The following RNF111 variants were observed in gnomAD, a reference collection of about 807,000 sequenced individuals.
RNF111 encodes the protein E3 ubiquitin-protein ligase Arkadia.
Under a neutral mutation model 95.1 loss-of-function variants are expected in RNF111, and 17 were observed. That is an observed-to-expected ratio of 0.18 (90% CI 0.12 to 0.27). The LOEUF (loss-of-function observed/expected upper bound fraction) is 0.27, where lower values mean the gene tolerates loss of function less well. Ranked by LOEUF, RNF111 falls within the 10% of genes least tolerant of loss-of-function variation. The pLI is 1.00. For synonymous variants in RNF111, 440 were observed against 414.8 expected, an observed-to-expected ratio of 1.06 and a Z score of -0.74; for missense variants, 1,189 against 1,210.4, an observed-to-expected ratio of 0.98 and a Z score of 0.26.
intron 1 of RNF111, among the ~76,000 whole-genome samples, chr15:58,994,278 A>G (rs1240390392): frequency 6.6e-6 from 1 of 151,318 alleles, no homozygotes; most frequent in African/African-American, 2.4e-5. Context: ...ACCTCAAGTA[A>G]TCCTCCCGCC....
At chr15:59,091,640 C>G (rs1385749980) in intron 12 of RNF111, among the ~76,000 whole-genome samples, 3 of 152,146 alleles carry the variant, frequency 2.0e-5, no homozygotes, top group African/African-American at 7.2e-5. Context: ...ACTCTACCCT[C>G]AGTTGCTTGT....
intron 1 of RNF111, among the ~76,000 whole-genome samples, chr15:59,018,316 A>T (rs1317411893): frequency 6.6e-6 from 1 of 152,112 alleles, no homozygotes; most frequent in African/African-American, 2.4e-5. Context: ...TTTCTGCCCT[A>T]TTCTGTCATT....
intron 3 of RNF111, 113 bp from the exon 4 acceptor site, chr15:59,055,569 T>C: frequency 1.2e-6 from 1 of 801,142 alleles, no homozygotes; most frequent in Non-Finnish European, 1.9e-6. Flanking sequence ...ATTATTTCTT[T>C]GGAGAAATCT....
intron 13 of RNF111, chr15:59,093,255 G>A: frequency 3.1e-6 from 1 of 318,836 alleles, no homozygotes; most frequent in Non-Finnish European, 6.1e-6. Flanking sequence ...GAGAGGCTTT[G>A]GAGGTCCTAG....
chr15:59,079,781 A>T (rs1255668028), intron 7 of RNF111, among the ~76,000 whole-genome samples: 1 of 152,182 alleles, frequency 6.6e-6, no homozygotes, highest in East Asian at 1.9e-4. Context: ...AAATGGTAGG[A>T]GCCATCTTAT....
At chr15:59,089,001 A>C (rs1321410253) in intron 10 of RNF111, among the ~76,000 whole-genome samples, 1 of 152,182 alleles carries the variant, frequency 6.6e-6, no homozygotes, top group Non-Finnish European at 1.5e-5. Context: ...CAAACAAGAC[A>C]CTGGTTTATA....
intron 6 of RNF111, among the ~76,000 whole-genome samples, chr15:59,068,149 G>A (rs2042747052): frequency 6.6e-6 from 1 of 152,074 alleles, no homozygotes; most frequent in South Asian, 2.1e-4. Flanking sequence ...GAACCCGGGA[G>A]GCTTAGGTTG....
At chr15:59,035,460 G>A (rs1228104857) in intron 2 of RNF111, among the ~76,000 whole-genome samples, 2 of 152,186 alleles carry the variant, frequency 1.3e-5, no homozygotes, top group African/African-American at 4.8e-5. Flanking sequence ...GTTCCTAGAT[G>A]CAATGAGGGT....
At chr15:59,025,998 G>A (rs928381237) in intron 1 of RNF111, among the ~76,000 whole-genome samples, 5 of 151,536 alleles carry the variant, frequency 3.3e-5, no homozygotes, top group African/African-American at 9.7e-5. Context: ...CCAAAGTGCT[G>A]GGATTACAGG....
intron 1 of RNF111, among the ~76,000 whole-genome samples, chr15:59,015,624 TAAA>T (rs775599053): frequency 2.2e-5 from 3 of 136,184 alleles, no homozygotes; most frequent in Admixed American, 7.4e-5. Flanking sequence ...TCTCCCCTAC[TAAA>T]AAAAAAAAAA....
intron 1 of RNF111, among the ~76,000 whole-genome samples, chr15:58,990,403 T>A (rs1450166518): frequency 6.6e-6 from 1 of 152,196 alleles, no homozygotes; most frequent in Non-Finnish European, 1.5e-5. Context: ...CTCACCCCTG[T>A]AATCCCAGCA....
intron 10 of RNF111, among the ~76,000 whole-genome samples, chr15:59,086,700 G>T (rs1231345057): frequency 1.3e-5 from 2 of 152,224 alleles, no homozygotes; most frequent in Non-Finnish European, 2.9e-5. Flanking sequence ...AGCATGTAAA[G>T]ATGTAGCAAA....
intron 1 of RNF111, among the ~76,000 whole-genome samples, chr15:59,019,417 A>T (rs1400041652): frequency 6.6e-6 from 1 of 152,180 alleles, no homozygotes; most frequent in Non-Finnish European, 1.5e-5. Flanking sequence ...TTTAAAAAAA[A>T]TTGGCTTTCT....
intron 2 of RNF111, among the ~76,000 whole-genome samples, chr15:59,044,776 C>T (rs538713233): frequency 1.3e-5 from 2 of 152,090 alleles, no homozygotes; most frequent in Non-Finnish European, 2.9e-5. Context: ...TCTTTTAAGT[C>T]GTGCTATTTA....
intron 1 of RNF111, among the ~76,000 whole-genome samples, chr15:58,991,009 G>A (rs1218482898): frequency 1.3e-5 from 2 of 151,982 alleles, no homozygotes; most frequent in Non-Finnish European, 2.9e-5. Flanking sequence ...CAAATACTTA[G>A]CTGAGGCTGG....
In RNF111 at chr15:59,081,211, G is replaced by C; in HGVS notation, c.2224G>C (p.Ala742Pro). 1 of 1,614,160 alleles carries C rather than the reference G, an allele frequency of 6.2e-7. No individual in the cohort carries two copies. Among genetic ancestry groups the C allele is most frequent in the South Asian group, 1.1e-5 (1 of 91,068 alleles). The change falls in exon 8 of 14, where the codon GCA (alanine) becomes CCA (proline). Residue 742 changes from alanine to proline, a missense_variant. Physicochemically the swap from Ala to Pro is conservative, Grantham distance 27 (BLOSUM62 -1). This residue lies in a region of RNF111 where 1,024 missense variants were observed against 925.9 expected (regional missense o/e 1.11). Coordinates refer to ENST00000348370, the MANE Select transcript of RNF111 (RefSeq NM_017610.8). ...SHHIPATAPP[A>P]QRLHPHEVMQ... ...CCATATTCCAGCCACAGCACCTCCA[G>C]CACAGAGACTGCATCCTCATGAAGT...
At chr15:59,011,513 C>T (rs1454701440) in intron 1 of RNF111, among the ~76,000 whole-genome samples, 2 of 152,184 alleles carry the variant, frequency 1.3e-5, no homozygotes, top group Non-Finnish European at 2.9e-5. Context: ...AACCACAAAA[C>T]TTTACTTACT....
At chr15:59,047,332 G>T (rs2041761098) in intron 2 of RNF111, among the ~76,000 whole-genome samples, 1 of 152,058 alleles carries the variant, frequency 6.6e-6, no homozygotes, top group Non-Finnish European at 1.5e-5. Flanking sequence ...TCATTTGTAT[G>T]AAAAATTTAA....
Position 59,062,070 on chromosome 15 carries a change from T to C in RNF111, c.1366+3520T>C, listed in dbSNP as rs1049276142. 5.7e-3 allele frequency among the ~76,000 whole-genome samples: 847 copies of C among 147,642 alleles called. 3 individuals are homozygous for C. Among genetic ancestry groups the C allele is most frequent in the Non-Finnish European group, 9.2e-3 (615 of 66,846 alleles). ...AAACTTCTTTTTTTTTTTTTTTTTTTCCCCGAGACAGGGTCTTGCTTTGTC... is the reference window on the plus strand; with the variant it reads ...AAACTTCTTTTTTTTTTTTTTTTTTCCCCCGAGACAGGGTCTTGCTTTGTC... On this transcript the variant is annotated intron_variant, in intron 5 of 13. Coordinates refer to ENST00000348370, the MANE Select transcript of RNF111 (RefSeq NM_017610.8).
Sources: allele counts gnomAD v4.1 joint callset (sites outside exome capture counted in the v4.1 genomes callset), GRCh38; gene constraint gnomAD v4.1.1; regional missense constraint gnomAD v4.1.1; transcripts MANE v1.5; gene names NCBI Gene and HGNC (gene_info 2026-07-23, HGNC 2026-07-21).